The following FMN1 variants were observed in gnomAD, a reference collection of about 807,000 sequenced individuals.
FMN1 encodes formin 1.
In FMN1, 110 loss-of-function variants were observed where a neutral mutation model predicts 132.4. That is an observed-to-expected ratio of 0.83 (90% confidence interval 0.71 to 0.97). FMN1 has a LOEUF of 0.97. Ranked by LOEUF, FMN1 falls within the 50% of genes least tolerant of loss-of-function variation. FMN1 has a pLI of 0.00. For missense variants in FMN1, 1,792 were observed against 1,705.3 expected (o/e 1.05, Z -0.90); for synonymous variants, 722 against 651.7 (o/e 1.11, Z -1.64).
At chr15:32,976,022 A>G (rs1438904210) in intron 7 of FMN1, among the ~76,000 whole-genome samples, 1 of 152,192 alleles carries the variant, frequency 6.6e-6, no homozygotes, top group Non-Finnish European at 1.5e-5. Context: ...AAAAGCGCCT[A>G]CTGATGAAAG....
At chr15:33,160,959 T>C (rs911715459) in intron 3 of FMN1, among the ~76,000 whole-genome samples, 11 of 152,242 alleles carry the variant, frequency 7.2e-5, no homozygotes, top group African/African-American at 2.7e-4. Context: ...GATTGCCTTT[T>C]AGTAGATGCT....
intron 6 of FMN1, among the ~76,000 whole-genome samples, chr15:33,043,588 G>GT (rs35089702): frequency 2.0e-5 from 3 of 152,212 alleles, no homozygotes; most frequent in South Asian, 2.1e-4. Context: ...TTTGGCTGAA[G>GT]TTTTTTTAAC....
intron 6 of FMN1, among the ~76,000 whole-genome samples, chr15:33,049,370 A>AG (rs2036861728): frequency 6.6e-6 from 1 of 152,230 alleles, no homozygotes; most frequent in Non-Finnish European, 1.5e-5. Flanking sequence ...CTCCTAGACC[A>AG]GAACAGACCA....
intron 17 of FMN1, among the ~76,000 whole-genome samples, chr15:32,854,056 A>C (rs1160233996): frequency 1.3e-5 from 2 of 152,246 alleles, no homozygotes; most frequent in Non-Finnish European, 2.9e-5. Context: ...AATTTAGCTA[A>C]TATATTTTGT....
At chr15:32,945,244 T>C (rs140308239) in intron 9 of FMN1, among the ~76,000 whole-genome samples, 1 of 152,316 alleles carries the variant, frequency 6.6e-6, no homozygotes, top group East Asian at 1.9e-4. Context: ...TGTATGTTTC[T>C]ATAATCCCTG....
At chr15:33,032,275 G>A (rs993365979) in intron 6 of FMN1, among the ~76,000 whole-genome samples, 4 of 152,186 alleles carry the variant, frequency 2.6e-5, no homozygotes, top group Admixed American at 6.5e-5. Flanking sequence ...TGACTCATTC[G>A]TTGAATCCCC....
At chr15:33,109,540 G>A (rs977145011) in intron 4 of FMN1, among the ~76,000 whole-genome samples, 2 of 152,040 alleles carry the variant, frequency 1.3e-5, no homozygotes, top group Non-Finnish European at 2.9e-5. Context: ...TCTTTTGTGG[G>A]AACATGGATG....
intron 16 of FMN1, among the ~76,000 whole-genome samples, chr15:32,863,948 A>C (rs941945493): frequency 2.0e-5 from 3 of 152,262 alleles, no homozygotes; most frequent in African/African-American, 7.2e-5. Flanking sequence ...ATAAAATACT[A>C]AAGTTAGAAC....
intron 4 of FMN1, among the ~76,000 whole-genome samples, chr15:33,105,492 G>C (rs1442231837): frequency 6.6e-6 from 1 of 152,002 alleles, no homozygotes; most frequent in Non-Finnish European, 1.5e-5. Context: ...AGAAATAAAC[G>C]GTTGTCTTCA....
At chr15:33,130,603 G>A (rs1024506945) in intron 4 of FMN1, among the ~76,000 whole-genome samples, 3 of 152,070 alleles carry the variant, frequency 2.0e-5, no homozygotes, top group African/African-American at 7.2e-5. Context: ...TTGTTAATAG[G>A]TATATGCATT....
chr15:32,985,103 A>G (rs199702066), intron 7 of FMN1, among the ~76,000 whole-genome samples: 2 of 151,954 alleles, frequency 1.3e-5, no homozygotes, highest in East Asian at 3.9e-4. Flanking sequence ...GTTACTTATT[A>G]TCTTTTTATC....
chr15:32,804,150 TA>T, intron 18 of FMN1, 130 bp downstream of exon 18: 1 of 679,172 alleles, frequency 1.5e-6, no homozygotes, highest in Non-Finnish European at 2.5e-6. Context: ...TTAAAGGGTA[TA>T]AAGTTTCAGT....
chr15:32,841,552 A>G (rs1427595144), intron 17 of FMN1, among the ~76,000 whole-genome samples: 2 of 152,212 alleles, frequency 1.3e-5, no homozygotes, highest in East Asian at 3.8e-4. Context: ...GAAGCGGAGT[A>G]GAAAACTGCA....
At chr15:33,071,817 C>T (rs559243753) in intron 5 of FMN1, among the ~76,000 whole-genome samples, 6 of 152,302 alleles carry the variant, frequency 3.9e-5, no homozygotes, top group Non-Finnish European at 8.8e-5. Context: ...AAATAAGCAA[C>T]CTACAAATTC....
chr15:32,932,870 T>C (rs535599819), intron 9 of FMN1, among the ~76,000 whole-genome samples: 2 of 152,170 alleles, frequency 1.3e-5, no homozygotes, highest in Non-Finnish European at 2.9e-5. Context: ...TATATACTTG[T>C]GTTTTCTTTT....
intron 4 of FMN1, among the ~76,000 whole-genome samples, chr15:33,128,483 C>G (rs7167051): frequency 0.014 from 2,119 of 152,280 alleles, 49 homozygotes; most frequent in African/African-American, 0.049. Flanking sequence ...TATAAAAAGC[C>G]TCATGCAAGT....
At position 32,901,160 on chromosome 15, in the gene FMN1, A is replaced by AAAAGAAAG. The variant is rs145875428; in HGVS notation, c.3507+743_3507+750dup. ...GAAGAATGAGACTCCGTCTCAAAAA[A>AAAAGAAAG]AAAGAAAGAAAGAAAGAAAGAAAAA... On this transcript the variant is annotated intron_variant, in intron 13 of 20. Coordinates refer to ENST00000616417, the MANE Select transcript of FMN1 (RefSeq NM_001277313.2). 3.9e-5 allele frequency among the ~76,000 whole-genome samples: 6 copies of AAAAGAAAG among 152,046 alleles called. No individual in the cohort carries two copies. In the East Asian group the frequency reaches 9.7e-4, roughly 24 times the overall value.
chr15:33,067,749 C>A (rs141655944), intron 5 of FMN1: 23 of 1,613,870 alleles, frequency 1.4e-5, no homozygotes, highest in Non-Finnish European at 1.9e-5. Flanking sequence ...TTCACAGATT[C>A]TAATTTACTC....
At chr15:33,156,985 T>G (rs912963571) in intron 3 of FMN1, among the ~76,000 whole-genome samples, 2 of 152,078 alleles carry the variant, frequency 1.3e-5, no homozygotes, top group African/African-American at 4.8e-5. Context: ...TTTTCAGAAT[T>G]GGCTGGGTAT....
Sources: gnomAD v4.1 joint callset for allele counts (sites outside exome capture counted in the v4.1 genomes callset) on GRCh38, gnomAD v4.1.1 for gene constraint, MANE v1.5 for transcripts, NCBI Gene and HGNC (gene_info 2026-07-23, HGNC 2026-07-21) for gene names.